The following ADAM10 variants were observed in gnomAD, a reference collection of about 807,000 sequenced individuals.
ADAM10 encodes ADAM metallopeptidase domain 10.
Under a neutral mutation model 90.1 loss-of-function variants are expected in ADAM10, and 17 were observed. That is an observed-to-expected ratio of 0.19 (90% CI 0.13 to 0.28). ADAM10 has a LOEUF of 0.28. ADAM10 is among the 10% of genes least tolerant of loss of function. The probability of loss-of-function intolerance (pLI) is 1.00; values close to 1 mark genes in which losing one functional copy is unlikely to be tolerated. For synonymous variants in ADAM10, 310 were observed against 298.6 expected, an observed-to-expected ratio of 1.04 and a Z score of -0.40; for missense variants, 610 against 914.3, an observed-to-expected ratio of 0.67 and a Z score of 4.29.
intron 2 of ADAM10, among the ~76,000 whole-genome samples, chr15:58,708,594 T>C (rs1475467651): frequency 6.6e-6 from 1 of 152,174 alleles, no homozygotes; most frequent in Non-Finnish European, 1.5e-5. Context: ...GCTCAGAAGT[T>C]TGAGGCCAGC....
chr15:58,610,982 G>T lies in ADAM10; in HGVS notation c.1804+17C>A. The T allele has an allele frequency of 6.3e-7, 1 of 1,585,604 alleles. No homozygotes were observed. The highest frequency in any genetic ancestry group is 1.1e-5 in the South Asian group (1 of 90,524). ...TTTGAGGCAAATTTTATACTCTTGT[G>T]TTTTTAAAAGCCTTACTTTTCTTCA... On this transcript the variant is annotated intron_variant, in intron 13 of 15. Coordinates refer to ENST00000260408, the MANE Select transcript of ADAM10 (RefSeq NM_001110.4).
intron 1 of ADAM10, among the ~76,000 whole-genome samples, chr15:58,723,794 A>C (rs1207704835): frequency 6.6e-6 from 1 of 152,212 alleles, no homozygotes; most frequent in Non-Finnish European, 1.5e-5. Context: ...AACCATGAAC[A>C]TAACATTGTA....
intron 5 of ADAM10, among the ~76,000 whole-genome samples, chr15:58,661,629 TTTTC>T (rs1896969630): frequency 6.6e-6 from 1 of 152,128 alleles, no homozygotes; most frequent in Non-Finnish European, 1.5e-5. Context: ...CCTGGTATGG[TTTTC>T]TTTGTGTTTA....
At chr15:58,692,864 C>T (rs768536304) in intron 2 of ADAM10, 2 of 672,704 alleles carry the variant, frequency 3.0e-6, no homozygotes, top group East Asian at 3.6e-5. Context: ...TCCATAAATG[C>T]TTCAGTACCA....
chr15:58,678,217 T>C (rs1275599182), intron 4 of ADAM10, among the ~76,000 whole-genome samples: 1 of 152,140 alleles, frequency 6.6e-6, no homozygotes, highest in Non-Finnish European at 1.5e-5. Context: ...TCTATAGCAA[T>C]CTAGCAGCAG....
At chr15:58,742,756 A>C (rs1439483841) in intron 1 of ADAM10, among the ~76,000 whole-genome samples, 1 of 152,182 alleles carries the variant, frequency 6.6e-6, no homozygotes, top group Non-Finnish European at 1.5e-5. Flanking sequence ...ACTTAGAATT[A>C]CCACTGCTAG....
At chr15:58,651,385 C>T (rs941573084) in intron 5 of ADAM10, among the ~76,000 whole-genome samples, 1 of 152,082 alleles carries the variant, frequency 6.6e-6, no homozygotes, top group Non-Finnish European at 1.5e-5. Context: ...CGTTAACCAT[C>T]CCCACTTCCC....
chr15:58,734,697 CT>C (rs755767270), intron 1 of ADAM10, among the ~76,000 whole-genome samples: 3 of 147,888 alleles, frequency 2.0e-5, no homozygotes, highest in Non-Finnish European at 4.5e-5. Context: ...GAGACCCTGT[CT>C]CAAAATTAAA....
intron 1 of ADAM10, among the ~76,000 whole-genome samples, chr15:58,742,631 C>G (rs1459244364): frequency 6.6e-6 from 1 of 152,166 alleles, no homozygotes; most frequent in African/African-American, 2.4e-5. Flanking sequence ...CTTCACATTG[C>G]TGGACAGCAA....
intron 5 of ADAM10, among the ~76,000 whole-genome samples, chr15:58,657,538 CT>C (rs1432073081): frequency 6.6e-6 from 1 of 152,116 alleles, no homozygotes; most frequent in Non-Finnish European, 1.5e-5. Context: ...CTGCTTGATT[CT>C]TTTTAATTAT....
chr15:58,748,929 G>GTC (rs1899882062), intron 1 of ADAM10: 5 of 398,566 alleles, frequency 1.3e-5, no homozygotes, highest in African/African-American at 1.0e-4. Flanking sequence ...CGGCGCGCCG[G>GTC]GTAAAGAACA....
intron 9 of ADAM10, among the ~76,000 whole-genome samples, chr15:58,631,652 T>G (rs974206159): frequency 6.6e-6 from 1 of 152,178 alleles, no homozygotes; most frequent in Non-Finnish European, 1.5e-5. Context: ...GACCTGGGAC[T>G]AAAGGCCAGA....
chr15:58,597,494 G>C lies in ADAM10; in HGVS notation c.*53C>G. Reference sequence around the variant, plus strand: ...TGATGACTTAATAGGTTTCTCTTTGGAGTGAAGTTTTCCCATTGTAGGCAC... The same window carrying C: ...TGATGACTTAATAGGTTTCTCTTTGCAGTGAAGTTTTCCCATTGTAGGCAC... On this transcript the variant is annotated 3_prime_UTR_variant, in exon 16 of 16. Coordinates refer to ENST00000260408, the MANE Select transcript of ADAM10 (RefSeq NM_001110.4). The C allele has an allele frequency of 6.2e-7, 1 of 1,613,630 alleles. No homozygotes were observed. The highest frequency in any genetic ancestry group is 8.5e-7 in the Non-Finnish European group (1 of 1,179,848).
rs550608757 is a variant in ADAM10, at chr15:58,682,613, T to C, written c.207-299A>G. 2.0e-5 allele frequency among the ~76,000 whole-genome samples: 3 copies of C among 152,288 alleles called. No homozygotes were observed. In the East Asian group the frequency reaches 5.8e-4, roughly 29 times the overall value. The stretch of plus-strand genomic sequence containing the variant: ...ATATTCAAACAGCAAATAAGTTACT[T>C]GGAGATTAAAACAGGCTTCCTGACC... On this transcript the variant is annotated intron_variant, in intron 2 of 15. Transcript: ENST00000260408.
At chr15:58,690,980 C>T (rs1193941810) in intron 2 of ADAM10, 3 of 474,714 alleles carry the variant, frequency 6.3e-6, no homozygotes, top group Non-Finnish European at 1.2e-5. Context: ...CAGCCTTCTG[C>T]TGTAGTGTCT....
At chr15:58,731,046 T>C (rs1899219375) in intron 1 of ADAM10, among the ~76,000 whole-genome samples, 1 of 152,178 alleles carries the variant, frequency 6.6e-6, no homozygotes, top group African/African-American at 2.4e-5. Context: ...ATTCCCCTAA[T>C]AAATCCTCTC....
Position 58,679,154 on chromosome 15 carries a change from G to A in ADAM10, c.454C>T (p.His152Tyr). 6.2e-7 allele frequency: 1 copy of A among 1,613,906 alleles called. No homozygotes were observed. The highest frequency in any genetic ancestry group is 8.5e-7 in the Non-Finnish European group (1 of 1,179,936). ...RYIKDRTLPFHSVIYHEDDIN... is the reference protein window; with the variant it reads ...RYIKDRTLPFYSVIYHEDDIN... The stretch of plus-strand genomic sequence containing the variant: ...TCATCTTCATGATAAATGACAGAGT[G>A]AAATGGCAGAGTTCGGTCTTTAATA... Residue 152 changes from histidine to tyrosine, a missense_variant, in exon 4 of 16, where the codon CAC becomes TAC. Around this residue, in one of 4 missense-constraint regions of ADAM10, gnomAD observed 310 missense variants for 362.4 expected, o/e 0.86. Coordinates refer to ENST00000260408, the MANE Select transcript of ADAM10 (RefSeq NM_001110.4).
chr15:58,659,501 T>C (rs74017261), intron 5 of ADAM10, among the ~76,000 whole-genome samples: 7,635 of 152,244 alleles, frequency 0.05, 662 homozygotes, highest in African/African-American at 0.17. Flanking sequence ...TATGTTTATG[T>C]GGTGGATTAC....
chr15:58,647,889 T>C (rs1336905666), intron 5 of ADAM10, among the ~76,000 whole-genome samples: 2 of 152,180 alleles, frequency 1.3e-5, no homozygotes, highest in East Asian at 3.9e-4. Context: ...ACCACTGCTA[T>C]TGAATCCAGT....
Sources: gnomAD v4.1 joint callset for allele counts (sites outside exome capture counted in the v4.1 genomes callset) on GRCh38, gnomAD v4.1.1 for gene constraint, gnomAD v4.1.1 regional missense constraint, MANE v1.5 for transcripts, NCBI Gene and HGNC (gene_info 2026-07-23, HGNC 2026-07-21) for gene names.